Variants in COLEC12 observed in about 807,000 individuals in gnomAD.
The protein encoded by COLEC12 is collectin subfamily member 12.
Under a neutral mutation model 71.1 loss-of-function variants are expected in COLEC12, and 33 were observed. The ratio of observed to expected loss-of-function variants is 0.46; its 90% CI spans 0.35 to 0.62. The LOEUF is 0.62. Ranked by LOEUF, COLEC12 falls within the 20% of genes least tolerant of loss-of-function variation. COLEC12 has a pLI of 0.00. For missense variants in COLEC12, 765 were observed against 916.1 expected (o/e 0.84, Z 2.13); for synonymous variants, 350 against 353.0 (o/e 0.99, Z 0.10).
chr18:392,151 G>A (rs1167474205), intron 2 of COLEC12, among the ~76,000 whole-genome samples: 1 of 152,186 alleles, frequency 6.6e-6, no homozygotes, highest in Admixed American at 6.5e-5. Flanking sequence ...TCAAATGGAT[G>A]CTTTTTTCTA....
rs575809629 is a variant in COLEC12, at chr18:421,847, C to G, written c.58+58860G>C. On this transcript the variant is annotated intron_variant, in intron 2 of 9. Transcript: ENST00000400256. ...TCCAACTTAGTTCCTCGATGAGAAG[C>G]CAAGAGTGAGTTTTATGCATTTGGG... is the stretch of plus-strand genomic sequence containing the variant. 5.8e-4 allele frequency among the ~76,000 whole-genome samples: 89 copies of G among 152,298 alleles called. 1 individual carries two copies. Among genetic ancestry groups the G allele is most frequent in the Admixed American group, 1.3e-3 (20 of 15,306 alleles).
intron 2 of COLEC12, among the ~76,000 whole-genome samples, chr18:429,187 T>G (rs762854656): frequency 6.6e-6 from 1 of 151,402 alleles, no homozygotes; most frequent in Non-Finnish European, 1.5e-5. Flanking sequence ...TCATCTACTC[T>G]GTGTGTGTTT....
intron 7 of COLEC12, 51 bp from the exon 8 acceptor site, chr18:331,828 T>G (rs942516354): frequency 1.0e-5 from 11 of 1,077,812 alleles, no homozygotes; most frequent in Non-Finnish European, 1.6e-5. Flanking sequence ...AACAGATGTC[T>G]CAGGCCTTTT....
At chr18:387,955 G>A (rs545419603) in intron 2 of COLEC12, among the ~76,000 whole-genome samples, 8 of 150,080 alleles carry the variant, frequency 5.3e-5, no homozygotes, top group Non-Finnish European at 7.4e-5. Flanking sequence ...TTGGGATCTA[G>A]GAAAAATTAA....
intron 7 of COLEC12, 132 bp downstream of exon 7, chr18:332,875 T>C: frequency 1.3e-6 from 1 of 765,172 alleles, no homozygotes; most frequent in Non-Finnish European, 2.1e-6. Flanking sequence ...CCCAAATCTC[T>C]GTAATGTTGC....
At chr18:429,507 G>A (rs1916261256) in intron 2 of COLEC12, among the ~76,000 whole-genome samples, 1 of 151,710 alleles carries the variant, frequency 6.6e-6, no homozygotes, top group Non-Finnish European at 1.5e-5. Flanking sequence ...TCAGCCTCCT[G>A]AGTAACTGGG....
chr18:360,070 A>G (rs1914710208), intron 2 of COLEC12, among the ~76,000 whole-genome samples: 1 of 152,198 alleles, frequency 6.6e-6, no homozygotes, highest in African/African-American at 2.4e-5. Context: ...CATGACTTAG[A>G]GCAGTGCTTC....
chr18:409,024 C>T (rs117077024), intron 2 of COLEC12, among the ~76,000 whole-genome samples: 1 of 151,676 alleles, frequency 6.6e-6, no homozygotes, highest in African/African-American at 2.4e-5. Flanking sequence ...TTTGGAGAGA[C>T]AGGATTTCAC....
chr18:343,937 A>G (rs1183950685), intron 5 of COLEC12, among the ~76,000 whole-genome samples: 1 of 152,240 alleles, frequency 6.6e-6, no homozygotes, highest in Non-Finnish European at 1.5e-5. Flanking sequence ...CAATAGAAAC[A>G]TTAACTTAAA....
At chr18:449,361 T>A (rs1290882445) in intron 2 of COLEC12, among the ~76,000 whole-genome samples, 2 of 152,186 alleles carry the variant, frequency 1.3e-5, no homozygotes, top group Admixed American at 1.3e-4. Flanking sequence ...TTACTGTTGT[T>A]TACACTCTAA....
intron 6 of COLEC12, 50 bp downstream of exon 6, chr18:334,692 A>G: frequency 1.4e-6 from 2 of 1,427,466 alleles, no homozygotes; most frequent in Middle Eastern, 2.6e-4. Flanking sequence ...CTCAGTCTCA[A>G]GCACATGCAC....
At chr18:369,899 A>G (rs866777937) in intron 2 of COLEC12, among the ~76,000 whole-genome samples, 1 of 152,182 alleles carries the variant, frequency 6.6e-6, no homozygotes, top group Non-Finnish European at 1.5e-5. Flanking sequence ...TGGAGGACAC[A>G]TTTGGATTCA....
In COLEC12 at chr18:407,151, G is replaced by A. The variant is rs1411403738; in HGVS notation, c.59-49629C>T. On this transcript the variant is annotated intron_variant, in intron 2 of 9. Transcript: ENST00000400256. ...GTGTCAGTGTTGAGGTGGAACCTCA[G>A]AGAGATGTCCATCTAAACCCCATTT... is the stretch of plus-strand genomic sequence containing the variant. Among the ~76,000 whole-genome samples the A allele has an allele frequency of 2.6e-5, 4 of 152,258 alleles. No homozygotes were observed. In the East Asian group the frequency reaches 7.7e-4, roughly 29 times the overall value.
chr18:348,607 A>G (rs1403701691), intron 3 of COLEC12, among the ~76,000 whole-genome samples: 1 of 152,186 alleles, frequency 6.6e-6, no homozygotes, highest in Non-Finnish European at 1.5e-5. Flanking sequence ...AGAGGATTCC[A>G]TTGGCAAGGA....
rs1917793932 is a variant in COLEC12 at position 500,230 on chromosome 18, AAAC to A, written c.7+275_7+277del. On this transcript the variant is annotated intron_variant, in intron 1 of 9. Transcript: ENST00000400256. This position sits in a 1 kb window ranked among gnomAD's most constrained non-coding sequence, Gnocchi z 5.3. Reference sequence around the variant, plus strand: ...TAAAAAGTTGGAAACGGGAATCCGTAAACAACGACTTAGGGCTTCAAACTACTT... The same window carrying A: ...TAAAAAGTTGGAAACGGGAATCCGTAAACGACTTAGGGCTTCAAACTACTT... 6.6e-6 allele frequency among the ~76,000 whole-genome samples: 1 copy of A among 152,214 alleles called. No individual in the cohort carries two copies. The highest frequency in any genetic ancestry group is 6.5e-5 in the Admixed American group (1 of 15,294).
At chr18:432,749 G>A (rs1230759990) in intron 2 of COLEC12, among the ~76,000 whole-genome samples, 2 of 151,916 alleles carry the variant, frequency 1.3e-5, no homozygotes, top group Admixed American at 6.6e-5. Flanking sequence ...ATCTGATTTT[G>A]GACAACCTTC....
At chr18:485,904 T>G (rs920147787) in intron 1 of COLEC12, among the ~76,000 whole-genome samples, 3 of 152,238 alleles carry the variant, frequency 2.0e-5, no homozygotes, top group African/African-American at 7.2e-5. Flanking sequence ...CTCCTCCATA[T>G]GGAAAGCCAT....
intron 2 of COLEC12, among the ~76,000 whole-genome samples, chr18:389,469 G>A (rs145320790): frequency 1.6e-3 from 247 of 151,758 alleles, no homozygotes; most frequent in African/African-American, 5.5e-3. Flanking sequence ...TAGTAGAGAC[G>A]GGGTTTCGCC....
intron 2 of COLEC12, among the ~76,000 whole-genome samples, chr18:371,815 CTCTT>C (rs1218886547): frequency 1.3e-5 from 2 of 152,126 alleles, no homozygotes; most frequent in African/African-American, 4.8e-5. Flanking sequence ...AGGACACAAA[CTCTT>C]TCTGTTCCTA....
Sources: gnomAD v4.1 joint callset for allele counts (sites outside exome capture counted in the v4.1 genomes callset) on GRCh38, gnomAD v4.1.1 for gene constraint, Gnocchi (gnomAD v3.1) non-coding constraint, MANE v1.5 for transcripts, NCBI Gene and HGNC (gene_info 2026-07-23, HGNC 2026-07-21) for gene names.